Variants in CKAP4 observed in about 807,000 individuals in gnomAD.
CKAP4 encodes cytoskeleton associated protein 4.
CKAP4 carries 20 observed loss-of-function variants against 24.4 expected under a neutral mutation model. The ratio of observed to expected loss-of-function variants is 0.82; its 90% CI spans 0.58 to 1.19. CKAP4 has a LOEUF of 1.19. Among genes scored for constraint, CKAP4 ranks in the 50% most tolerant of loss-of-function variants. CKAP4 has a pLI of 0.00. For missense variants in CKAP4, 744 were observed against 765.3 expected (o/e 0.97, Z 0.33); for synonymous variants, 378 against 351.7 (o/e 1.07, Z -0.84).
intron 1 of CKAP4, among the ~76,000 whole-genome samples, chr12:106,243,311 T>C (rs1318824122): frequency 5.9e-5 from 9 of 152,210 alleles, no homozygotes; most frequent in African/African-American, 1.2e-4. Flanking sequence ...AACGTTAAAA[T>C]CCCAAAATGC....
In CKAP4 at chr12:106,239,892, A is replaced by G; in HGVS notation, c.941T>C (p.Leu314Pro). ...EWDMEALRST[L>P]QTMESDIYTE... Reference sequence around the variant, plus strand: ...GTAGATGTCAGACTCCATAGTCTGAAGGGTACTTCTCAGGGCCTCCATGTC... The same window carrying G: ...GTAGATGTCAGACTCCATAGTCTGAGGGGTACTTCTCAGGGCCTCCATGTC... The change falls in exon 2 of 2, where the codon CTT (leucine) becomes CCT (proline). Residue 314 changes from leucine to proline, a missense_variant. Transcript: ENST00000378026. This position sits in a 1 kb window ranked among gnomAD's most constrained non-coding sequence, Gnocchi z 4.9. 1 of 1,611,582 alleles carries G rather than the reference A, an allele frequency of 6.2e-7. No individual in the cohort carries two copies. Among genetic ancestry groups the G allele is most frequent in the Non-Finnish European group, 8.5e-7 (1 of 1,179,014 alleles).
rs752159289 is a variant in CKAP4 at position 106,239,254 on chromosome 12, G to T, written c.1579C>A (p.Gln527Lys). 1.8e-5 allele frequency: 29 copies of T among 1,613,790 alleles called. No individual in the cohort carries two copies. In the African/African-American group the frequency reaches 3.2e-4, roughly 18 times the overall value. Residue 527 changes from glutamine to lysine, a missense_variant, in exon 2 of 2, where the codon CAG becomes AAG. By Grantham distance (53) the Gln-to-Lys change is moderately conservative (BLOSUM62 1). Around this residue, in one of 3 missense-constraint regions of CKAP4, gnomAD observed 401 missense variants for 424.5 expected, o/e 0.94. Transcript: ENST00000378026. This position sits in a 1 kb window ranked among gnomAD's most constrained non-coding sequence, Gnocchi z 4.9. The stretch of plus-strand genomic sequence containing the variant: ...GAAGAAAGTCTGTCCAGGAAGTCCT[G>T]AGGAGGCAGACGGGCGGCCTGGGCT... The part of the protein sequence containing the change: ...DQAQAARLPP[Q>K]DFLDRLSSLD...
chr12:106,242,634 G>A (rs964077839), intron 1 of CKAP4, among the ~76,000 whole-genome samples: 9 of 152,222 alleles, frequency 5.9e-5, no homozygotes, highest in South Asian at 4.1e-4. Context: ...ACTCTGTGAA[G>A]GTACTGGAGA....
intron 1 of CKAP4, among the ~76,000 whole-genome samples, chr12:106,244,693 G>A (rs1437073031): frequency 1.3e-5 from 2 of 152,192 alleles, no homozygotes; most frequent in Admixed American, 6.5e-5. Flanking sequence ...GTGAGGCTGA[G>A]GCAAGAGGAA....
Position 106,247,621 on chromosome 12 carries a change from G to A in CKAP4, c.231C>T (p.Gly77=). 2.6e-6 allele frequency: 2 copies of A among 779,386 alleles called. No individual in the cohort carries two copies. The highest frequency in any genetic ancestry group is 3.3e-6 in the Non-Finnish European group (2 of 614,536). 48.3% of individuals were successfully genotyped at this position (779,386 alleles called of 1,614,324 possible). A position where few individuals can be genotyped will look rare whatever the true frequency, so the allele number is the denominator to read the frequency against. ...AGGCGGAGGAGGAGGAGGAGGACTTGCCGCCGCCGCCGCCGCCGCCGCGGT... is the reference window on the plus strand; with the variant it reads ...AGGCGGAGGAGGAGGAGGAGGACTTACCGCCGCCGCCGCCGCCGCCGCGGT... ...GGHRGGGGGG[G]KSSSSSSASA... is the part of the protein sequence containing the mutation. The change falls in exon 1 of 2, where the codon GGC becomes GGT. Residue 77 remains glycine (G), a synonymous_variant. Transcript: ENST00000378026. This position sits in a 1 kb window ranked among gnomAD's most constrained non-coding sequence, Gnocchi z 4.5.
Position 106,239,865 on chromosome 12 carries a change from G to C in CKAP4, c.968C>G (p.Thr323Ser). 1 of 1,614,082 alleles carries C rather than the reference G, an allele frequency of 6.2e-7. No individual in the cohort carries two copies. Among genetic ancestry groups the C allele is most frequent in the Non-Finnish European group, 8.5e-7 (1 of 1,180,004 alleles). ...GAGGCTCACCAGCTCGCGGACCTCGGTGTAGATGTCAGACTCCATAGTCTG... is the reference window on the plus strand; with the variant it reads ...GAGGCTCACCAGCTCGCGGACCTCGCTGTAGATGTCAGACTCCATAGTCTG... ...TLQTMESDIY[T>S]EVRELVSLKQ... Residue 323 changes from threonine to serine, a missense_variant, in exon 2 of 2, where the codon ACC (threonine) becomes AGC (serine). By Grantham distance (58) the Thr-to-Ser change is moderately conservative. Coordinates refer to ENST00000378026, the MANE Select transcript of CKAP4 (RefSeq NM_006825.4). This position sits in a 1 kb window ranked among gnomAD's most constrained non-coding sequence, Gnocchi z 4.9.
chr12:106,240,031 C>G lies in CKAP4; in HGVS notation c.802G>C (p.Asp268His). 1 of 1,614,138 alleles carries G rather than the reference C, an allele frequency of 6.2e-7. No individual in the cohort carries two copies. The highest frequency in any genetic ancestry group is 2.2e-5 in the East Asian group (1 of 44,864). Residue 268 changes from aspartate (D) to histidine (H), a missense_variant, in exon 2 of 2, where the codon GAC (aspartate) becomes CAC (histidine). By Grantham distance (81) the Asp-to-His change is moderately conservative (BLOSUM62 -1). Around this residue, in one of 3 missense-constraint regions of CKAP4, gnomAD observed 401 missense variants for 424.5 expected, o/e 0.94. Coordinates refer to ENST00000378026, the MANE Select transcript of CKAP4 (RefSeq NM_006825.4). ...AGGGAGGCAACCTTTGCCTTCATGT[C>G]ATTGATCTCCTTCTGGCTCCTCTTC... is the stretch of plus-strand genomic sequence containing the variant. ...VQKRSQKEINDMKAKVASLEE... is the reference protein window; with the variant it reads ...VQKRSQKEINHMKAKVASLEE...
rs750145170 is a variant in CKAP4 at position 106,247,620 on chromosome 12, T to TGCC, written c.229_231dup (p.Gly77dup). ...GAGGCGGAGGAGGAGGAGGAGGACT[T>TGCC]GCCGCCGCCGCCGCCGCCGCCGCGG... On this transcript the variant is annotated inframe_insertion, in exon 1 of 2. Transcript: ENST00000378026. This position sits in a 1 kb window ranked among gnomAD's most constrained non-coding sequence, Gnocchi z 4.5. 6.9e-4 allele frequency: 676 copies of TGCC among 981,798 alleles called. No homozygotes were observed. Among genetic ancestry groups the TGCC allele is most frequent in the African/African-American group, 4.4e-3 (240 of 54,918 alleles). The allele number at this position is 981,798 out of a possible 1,614,324, so 60.8% of individuals were successfully genotyped here.
chr12:106,242,985 AATTC>A (rs1394612603), intron 1 of CKAP4, among the ~76,000 whole-genome samples: 1 of 152,228 alleles, frequency 6.6e-6, no homozygotes, highest in Non-Finnish European at 1.5e-5. Context: ...ATGTGCAAAT[AATTC>A]ATTATCATCA....
rs1209611057 is a variant in CKAP4, at chr12:106,247,177, G to A, written c.483+192C>T. The stretch of plus-strand genomic sequence containing the variant: ...GCAGCCATTAACAAAGGGGGTCTGG[G>A]GACTGCCTCGGAACTAGGGGGCCGC... On this transcript the variant is annotated intron_variant, in intron 1 of 1. Transcript: ENST00000378026. This position sits in a 1 kb window ranked among gnomAD's most constrained non-coding sequence, Gnocchi z 4.5. Among the ~76,000 whole-genome samples the A allele has an allele frequency of 6.6e-6, 1 of 152,114 alleles. No homozygotes were observed. The highest frequency in any genetic ancestry group is 6.5e-5 in the Admixed American group (1 of 15,288).
intron 1 of CKAP4, among the ~76,000 whole-genome samples, chr12:106,244,200 C>T (rs2033989690): frequency 6.6e-6 from 1 of 152,196 alleles, no homozygotes; most frequent in South Asian, 2.1e-4. Context: ...TTATTGGGCA[C>T]CTACTATGTA....
rs1479181436 is a variant in CKAP4 at position 106,247,705 on chromosome 12, C to A, written c.147G>T (p.Pro49=). The A allele has an allele frequency of 2.0e-6, 2 of 994,818 alleles. No individual in the cohort carries two copies. The highest frequency in any genetic ancestry group is 2.3e-6 in the Non-Finnish European group (2 of 858,334). The allele number at this position is 994,818 out of a possible 1,614,324, so 61.6% of individuals were successfully genotyped here. A position where few individuals can be genotyped will look rare whatever the true frequency, so the allele number is the denominator to read the frequency against. The change falls in exon 1 of 2, where the codon CCG becomes CCT. Residue 49 remains proline (P), a synonymous_variant. Coordinates refer to ENST00000378026, the MANE Select transcript of CKAP4 (RefSeq NM_006825.4). This position sits in a 1 kb window ranked among gnomAD's most constrained non-coding sequence, Gnocchi z 4.5. ...APQQPPPPPA[P]HPQQHPQQHP... Reference sequence around the variant, plus strand: ...GCTGCTGCGGGTGCTGCTGCGGGTGCGGCGCGGGCGGCGGCGGCGGCTGCT... The same window carrying A: ...GCTGCTGCGGGTGCTGCTGCGGGTGAGGCGCGGGCGGCGGCGGCGGCTGCT...
At position 106,247,582 on chromosome 12, in the gene CKAP4, G is replaced by T. The variant is rs1337460444; in HGVS notation, c.270C>A (p.Ala90=). The T allele has an allele frequency of 6.4e-6, 9 of 1,409,926 alleles. No individual in the cohort carries two copies. The highest frequency in any genetic ancestry group is 8.3e-6 in the Non-Finnish European group (9 of 1,082,268). 87.3% of individuals were successfully genotyped at this position (1,409,926 alleles called of 1,614,324 possible). A position where few individuals can be genotyped will look rare whatever the true frequency, so the allele number is the denominator to read the frequency against. The change falls in exon 1 of 2, where the codon GCC becomes GCA. Residue 90 remains alanine (A), a synonymous_variant. Coordinates refer to ENST00000378026, the MANE Select transcript of CKAP4 (RefSeq NM_006825.4). The surrounding 1 kb of genome is among the most constrained non-coding windows in gnomAD (Gnocchi z 4.5). ...SSSSSASAAA[A]AAAASSSASC... ...ACGCCGAGGACGAGGCGGCGGCGGC[G>T]GCAGCGGCGGCGGAGGCGGAGGAGG...
rs2033921493 is a variant in CKAP4 at position 106,237,992 on chromosome 12, G to GTGTTTT, written c.*1031_*1032insAAAACA. On this transcript the variant is annotated 3_prime_UTR_variant, in exon 2 of 2. Transcript: ENST00000378026. Reference sequence around the variant, plus strand: ...TTTTTTTTTTTTTTTTACTTTTCGGGTTTTTTTTTTTTTTTTTTTTTCAAT... The same window carrying GTGTTTT: ...TTTTTTTTTTTTTTTTACTTTTCGGGTGTTTTTTTTTTTTTTTTTTTTTTTTTCAAT... The GTGTTTT allele has an allele frequency of 1.4e-5, 1 of 70,512 alleles. No homozygotes were observed. The highest frequency in any genetic ancestry group is 2.4e-5 in the Non-Finnish European group (1 of 41,606). 4.4% of individuals were successfully genotyped at this position (70,512 alleles called of 1,614,324 possible). A position where few individuals can be genotyped will look rare whatever the true frequency, so the allele number is the denominator to read the frequency against.
At chr12:106,244,204 C>T (rs928065389) in intron 1 of CKAP4, among the ~76,000 whole-genome samples, 2 of 152,232 alleles carry the variant, frequency 1.3e-5, no homozygotes, top group African/African-American at 2.4e-5. Context: ...TGGGCACCTA[C>T]TATGTACTAG....
intron 1 of CKAP4, among the ~76,000 whole-genome samples, chr12:106,246,365 T>G (rs1220490850): frequency 5.3e-5 from 8 of 152,128 alleles, no homozygotes; most frequent in Non-Finnish European, 1.2e-4. Context: ...TGTGAGTGAG[T>G]AAGCATTCTA....
rs1222595152 is a variant in CKAP4, at chr12:106,247,564, G to A, written c.288C>T (p.Ser96=). The change falls in exon 1 of 2, where the codon TCC becomes TCT. Residue 96 remains serine (S), a synonymous_variant. Transcript: ENST00000378026. The surrounding 1 kb of genome is among the most constrained non-coding windows in gnomAD (Gnocchi z 4.5). The part of the protein sequence containing the change: ...SAAAAAAAAS[S]SASCSRRLGR... ...CGAGCCTGCGCGAGCAGGACGCCGA[G>A]GACGAGGCGGCGGCGGCGGCAGCGG... is the stretch of plus-strand genomic sequence containing the variant. The A allele has an allele frequency of 4.3e-5, 62 of 1,446,548 alleles. No individual in the cohort carries two copies. Among genetic ancestry groups the A allele is most frequent in the Non-Finnish European group, 5.4e-5 (59 of 1,099,690 alleles). The allele number at this position is 1,446,548 out of a possible 1,614,324, so 89.6% of individuals were successfully genotyped here.
intron 1 of CKAP4, among the ~76,000 whole-genome samples, chr12:106,241,937 A>C (rs925495873): frequency 2.0e-5 from 3 of 152,050 alleles, no homozygotes; most frequent in African/African-American, 7.2e-5. Flanking sequence ...TGCCGATGGA[A>C]TGAAAAAAGA....
At chr12:106,246,471 A>G (rs1478396218) in intron 1 of CKAP4, among the ~76,000 whole-genome samples, 1 of 152,110 alleles carries the variant, frequency 6.6e-6, no homozygotes, top group Non-Finnish European at 1.5e-5. Flanking sequence ...GGCCGGGCGC[A>G]GTGGCTCACG....
Sources: allele counts gnomAD v4.1 joint callset (sites outside exome capture counted in the v4.1 genomes callset), GRCh38; gene constraint gnomAD v4.1.1; regional missense constraint gnomAD v4.1.1; non-coding constraint Gnocchi (gnomAD v3.1); transcripts MANE v1.5; gene names NCBI Gene and HGNC (gene_info 2026-07-23, HGNC 2026-07-21).